The following EEPD1 variants were observed in gnomAD, a reference collection of about 807,000 sequenced individuals.
EEPD1 encodes endonuclease/exonuclease/phosphatase family domain containing 1, also known as endonuclease/exonuclease/phosphatase family domain-containing protein 1.
EEPD1 carries 17 observed loss-of-function variants against 46.3 expected under a neutral mutation model. The ratio of observed to expected loss-of-function variants is 0.37; its 90% confidence interval spans 0.25 to 0.55. The LOEUF (loss-of-function observed/expected upper bound fraction) is 0.55, where lower values mean the gene tolerates loss of function less well. Among genes scored for constraint, EEPD1 ranks in the 20% least tolerant of loss-of-function variants. The pLI is 0.83. For synonymous variants in EEPD1, 313 were observed against 315.6 expected, an observed-to-expected ratio of 0.99 and a Z score of 0.09; for missense variants, 673 against 745.6, an observed-to-expected ratio of 0.90 and a Z score of 1.13.
chr7:36,224,900 G>A (rs990729265), intron 2 of EEPD1, among the ~76,000 whole-genome samples: 7 of 152,066 alleles, frequency 4.6e-5, no homozygotes, highest in African/African-American at 1.7e-4. Context: ...GTTATACTGG[G>A]TCATCTATGT....
intron 4 of EEPD1, among the ~76,000 whole-genome samples, chr7:36,282,700 G>A (rs940443361): frequency 4.6e-5 from 7 of 152,220 alleles, no homozygotes; most frequent in African/African-American, 1.4e-4. Flanking sequence ...TGAACGTAGC[G>A]CAGGCCAGGG....
chr7:36,173,492 C>A (rs549979202), intron 2 of EEPD1, among the ~76,000 whole-genome samples: 4 of 150,914 alleles, frequency 2.7e-5, no homozygotes, highest in Non-Finnish European at 5.9e-5. Context: ...AGTGAGACTC[C>A]GTCTTAAAAA....
At chr7:36,231,625 G>A (rs190648984) in intron 2 of EEPD1, among the ~76,000 whole-genome samples, 1 of 152,298 alleles carries the variant, frequency 6.6e-6, no homozygotes, top group Admixed American at 6.5e-5. Flanking sequence ...CCTTGTGGAG[G>A]GCAGGAACTG....
At chr7:36,286,318 C>T (rs1787341773) in intron 5 of EEPD1, among the ~76,000 whole-genome samples, 1 of 152,212 alleles carries the variant, frequency 6.6e-6, no homozygotes, top group Non-Finnish European at 1.5e-5. Context: ...CCCACCCAGC[C>T]TTAAGATGCT....
chr7:36,262,743 C>G (rs1435076378), intron 3 of EEPD1, among the ~76,000 whole-genome samples: 5 of 152,196 alleles, frequency 3.3e-5, no homozygotes. Flanking sequence ...CAGTTAAACT[C>G]TGCCATTGTG....
At chr7:36,181,137 G>A in intron 2 of EEPD1, among the ~76,000 whole-genome samples, 1 of 152,112 alleles carries the variant, frequency 6.6e-6, no homozygotes, top group Non-Finnish European at 1.5e-5. Flanking sequence ...CAGAAGTTTA[G>A]GGACCACTGA....
chr7:36,253,376 CA>C (rs1395715393), intron 3 of EEPD1, among the ~76,000 whole-genome samples: 3 of 152,152 alleles, frequency 2.0e-5, no homozygotes, highest in Non-Finnish European at 2.9e-5. Flanking sequence ...AGGTCTGTCC[CA>C]AAGAATGTTC....
chr7:36,298,888 G>A (rs965325457), intron 7 of EEPD1, 119 bp from the exon 8 acceptor site: 1 of 1,169,620 alleles, frequency 8.5e-7, no homozygotes. Flanking sequence ...ACCTGAGGCA[G>A]CCTCTCCGGG....
chr7:36,234,379 T>G (rs573200667), intron 2 of EEPD1, among the ~76,000 whole-genome samples: 3 of 152,312 alleles, frequency 2.0e-5, no homozygotes, highest in Admixed American at 2.0e-4. Flanking sequence ...ACTTAAAAAT[T>G]GCCTAATTCT....
At chr7:36,269,198 G>A (rs1787066406) in intron 3 of EEPD1, among the ~76,000 whole-genome samples, 1 of 152,096 alleles carries the variant, frequency 6.6e-6, no homozygotes, top group Admixed American at 6.6e-5. Flanking sequence ...GCTCCTCAAG[G>A]TCCTAACAAA....
chr7:36,155,075 T>G lies in EEPD1; in HGVS notation c.751T>G (p.Phe251Val), dbSNP rs1334887948. ...CTCCACTCGGCCGTCCGTGGAGGCC[T>G]TTGGAGGCACAAGGGATGGGAGGCC... Reference protein sequence around the residue: ...IISTRPSVEAFGGTRDGRPVL... With the variant: ...IISTRPSVEAVGGTRDGRPVL... The change falls in exon 2 of 8, where the codon TTT (phenylalanine) becomes GTT (valine). Residue 251 changes from phenylalanine (F) to valine (V), a missense_variant. Transcript: ENST00000242108. 4 of 1,590,114 alleles carry G rather than the reference T, an allele frequency of 2.5e-6. No homozygotes were observed. In the African/African-American group the frequency reaches 5.4e-5, roughly 21 times the overall value.
chr7:36,163,056 A>T (rs767155990), intron 2 of EEPD1, among the ~76,000 whole-genome samples: 4 of 152,180 alleles, frequency 2.6e-5, no homozygotes, highest in Admixed American at 2.0e-4. Flanking sequence ...GTTTAAAAAA[A>T]ACACTTCTCT....
chr7:36,236,195 T>G (rs1786435265), intron 2 of EEPD1, among the ~76,000 whole-genome samples: 1 of 152,216 alleles, frequency 6.6e-6, no homozygotes, highest in African/African-American at 2.4e-5. Context: ...CTGGCCGCGC[T>G]CAAGGAGCCC....
At chr7:36,187,439 A>G (rs1239287641) in intron 2 of EEPD1, among the ~76,000 whole-genome samples, 2 of 151,816 alleles carry the variant, frequency 1.3e-5, no homozygotes, top group African/African-American at 4.8e-5. Flanking sequence ...CCACCATCCT[A>G]CTTTCTGTCT....
intron 3 of EEPD1, among the ~76,000 whole-genome samples, chr7:36,256,628 AG>A (rs1047524164): frequency 2.8e-4 from 42 of 152,214 alleles, no homozygotes; most frequent in African/African-American, 1.0e-3. Flanking sequence ...GTTTTATCAG[AG>A]ACTAGGATTT....
intron 3 of EEPD1, among the ~76,000 whole-genome samples, chr7:36,272,935 G>T (rs1787133207): frequency 6.6e-6 from 1 of 152,204 alleles, no homozygotes; most frequent in African/African-American, 2.4e-5. Flanking sequence ...CTAGGCATGT[G>T]GCACGGAGTG....
At chr7:36,241,764 AG>A (rs1786557164) in intron 3 of EEPD1, among the ~76,000 whole-genome samples, 1 of 152,152 alleles carries the variant, frequency 6.6e-6, no homozygotes, top group Non-Finnish European at 1.5e-5. Flanking sequence ...GCTACTCAGG[AG>A]GCTGAGGCAG....
At position 36,286,952 on chromosome 7, in the gene EEPD1, G is replaced by A. The variant is rs78573615; in HGVS notation, c.1177-687G>A. Reference sequence around the variant, plus strand: ...AGTGCTTGGGGTTGTGGCCGGGTACGTAGCTCATGCCTATAATCCCAGAAC... The same window carrying A: ...AGTGCTTGGGGTTGTGGCCGGGTACATAGCTCATGCCTATAATCCCAGAAC... On this transcript the variant is annotated intron_variant, in intron 5 of 7. Coordinates refer to ENST00000242108, the MANE Select transcript of EEPD1 (RefSeq NM_030636.3). Among the ~76,000 whole-genome samples, 781 of 152,250 alleles carry A rather than the reference G, an allele frequency of 5.1e-3. 4 individuals carry two copies. The highest frequency in any genetic ancestry group is 0.018 in the African/African-American group (750 of 41,548).
chr7:36,228,749 G>C (rs1397167611), intron 2 of EEPD1: 1 of 152,184 alleles, frequency 6.6e-6, no homozygotes, highest in Non-Finnish European at 1.5e-5. Context: ...ATCAAGATAG[G>C]GGCTAGTTTT....
Sources: allele counts gnomAD v4.1 joint callset (sites outside exome capture counted in the v4.1 genomes callset), GRCh38; gene constraint gnomAD v4.1.1; transcripts MANE v1.5; gene names NCBI Gene and HGNC (gene_info 2026-07-23, HGNC 2026-07-21).